Variants in SLCO1A2 observed in about 807,000 individuals in gnomAD.
SLCO1A2 encodes OATP-1.
A neutral mutation model predicts 69.0 loss-of-function variants in SLCO1A2; 67 were observed. That is an observed-to-expected ratio of 0.97 (90% CI 0.80 to 1.19). SLCO1A2 has a LOEUF of 1.19. Ranked by LOEUF, SLCO1A2 falls within the 50% of genes most tolerant of loss-of-function variation. The pLI is 0.00. For synonymous variants in SLCO1A2, 260 were observed against 265.9 expected (o/e 0.98, Z 0.22); for missense variants, 787 against 793.7 (o/e 0.99, Z 0.10).
intron 1 of SLCO1A2, among the ~76,000 whole-genome samples, chr12:21,401,635 T>C (rs1345333175): frequency 6.6e-6 from 1 of 151,964 alleles, no homozygotes; most frequent in East Asian, 1.9e-4. Context: ...TTAATCATTT[T>C]ATATTTTGTT....
At chr12:21,291,964 A>T (rs1196976473) in intron 12 of SLCO1A2, among the ~76,000 whole-genome samples, 200 bp downstream of exon 12, 1 of 152,150 alleles carries the variant, frequency 6.6e-6, no homozygotes, top group Non-Finnish European at 1.5e-5. Context: ...GAGGAATAGG[A>T]GTGAAATGCC....
intron 2 of SLCO1A2, among the ~76,000 whole-genome samples, chr12:21,370,862 A>T (rs1479016491): frequency 1.3e-5 from 2 of 152,194 alleles, no homozygotes; most frequent in Non-Finnish European, 2.9e-5. Context: ...TTTAACGCAG[A>T]ACAGGTGAGA....
upstream of SLCO1A2, among the ~76,000 whole-genome samples, chr12:21,395,615 A>G (rs1162368952): frequency 2.0e-5 from 3 of 152,214 alleles, no homozygotes; most frequent in East Asian, 1.9e-4. Context: ...GCAGACTTAA[A>G]TGTCCCTGTC....
chr12:21,355,495 CAAGG>C (rs1183300567), intron 2 of SLCO1A2, among the ~76,000 whole-genome samples: 7 of 152,116 alleles, frequency 4.6e-5, no homozygotes, highest in Non-Finnish European at 8.8e-5. Flanking sequence ...AATACTGATA[CAAGG>C]CCTAGGATCT....
intron 2 of SLCO1A2, among the ~76,000 whole-genome samples, chr12:21,361,339 A>G (rs980309665): frequency 2.0e-5 from 3 of 152,168 alleles, no homozygotes; most frequent in Non-Finnish European, 4.4e-5. Flanking sequence ...TGTTAGAAGG[A>G]AAACTAACAA....
upstream of SLCO1A2, among the ~76,000 whole-genome samples, chr12:21,395,721 C>T (rs1301598169): frequency 6.6e-6 from 1 of 152,136 alleles, no homozygotes; most frequent in Non-Finnish European, 1.5e-5. Flanking sequence ...GACCCCTGAC[C>T]CCCGAGCAGC....
At chr12:21,281,922 G>A (rs576327562) in intron 12 of SLCO1A2, among the ~76,000 whole-genome samples, 1 of 152,152 alleles carries the variant, frequency 6.6e-6, no homozygotes, top group South Asian at 2.1e-4. Context: ...AAAAAGTAAT[G>A]AGATTGAAGC....
Position 21,265,802 on chromosome 12 carries a change from G to A in SLCO1A2, c.*3746C>T, listed in dbSNP as rs548442233. Reference sequence around the variant, plus strand: ...TTGCCTCTTTTTCCTTTTCCCCTTGGTAATAAATTTGAGGGATCTAAGAAT... The same window carrying A: ...TTGCCTCTTTTTCCTTTTCCCCTTGATAATAAATTTGAGGGATCTAAGAAT... On this transcript the variant is annotated 3_prime_UTR_variant, in exon 15 of 15. Transcript: ENST00000683939. 6.6e-6 allele frequency: 1 copy of A among 152,022 alleles called. No individual in the cohort carries two copies. The highest frequency in any genetic ancestry group is 1.5e-5 in the Non-Finnish European group (1 of 68,028). 9.4% of individuals were successfully genotyped at this position (152,022 alleles called of 1,614,324 possible). A position where few individuals can be genotyped will look rare whatever the true frequency, so the allele number is the denominator to read the frequency against.
intron 2 of SLCO1A2, among the ~76,000 whole-genome samples, chr12:21,326,914 T>C (rs1952283696): frequency 6.6e-6 from 1 of 152,162 alleles, no homozygotes; most frequent in Non-Finnish European, 1.5e-5. Context: ...TGAGGAGAAA[T>C]TCAAGATGGC....
chr12:21,410,409 A>G (rs1404669277), intron 1 of SLCO1A2, among the ~76,000 whole-genome samples: 2 of 152,180 alleles, frequency 1.3e-5, no homozygotes, highest in Non-Finnish European at 1.5e-5. Flanking sequence ...CATTGCTATC[A>G]TTCATCCACA....
upstream of SLCO1A2, chr12:21,419,258 G>C (rs1942040739): frequency 6.3e-6 from 1 of 158,232 alleles, no homozygotes; most frequent in African/African-American, 2.4e-5. Context: ...ACAGCTCCCA[G>C]CGTGAGCGAC....
intron 2 of SLCO1A2, chr12:21,373,315 A>G: frequency 6.0e-6 from 8 of 1,343,536 alleles, no homozygotes; most frequent in Non-Finnish European, 8.6e-6. Flanking sequence ...TCTTGATTTC[A>G]GTGCTGGATT....
chr12:21,269,686 C>T lies in SLCO1A2; in HGVS notation c.1875G>A (p.Lys625=). The part of the protein sequence containing the change: ...PALIILILLR[K]CHLPGENASS... Reference sequence around the variant, plus strand: ...AGGCATTTTCACCAGGTAGATGACACTTCCTCAAAAGAATTAAGATGATTA... The same window carrying T: ...AGGCATTTTCACCAGGTAGATGACATTTCCTCAAAAGAATTAAGATGATTA... The change falls in exon 15 of 15, where the codon AAG becomes AAA. Residue 625 remains lysine, a synonymous_variant. Coordinates refer to ENST00000683939, the MANE Select transcript of SLCO1A2 (RefSeq NM_001386879.1). The T allele has an allele frequency of 3.1e-6, 5 of 1,612,706 alleles. No homozygotes were observed. The highest frequency in any genetic ancestry group is 4.2e-6 in the Non-Finnish European group (5 of 1,179,092).
rs143235054 is a variant in SLCO1A2, at chr12:21,288,147, A to G, written c.1610+4017T>C. ...ATGTCCTCACTTACTTGTGGGAGCT[A>G]AAAATGAGAACAGGCTGGGCACGAT... is the stretch of plus-strand genomic sequence containing the variant. On this transcript the variant is annotated intron_variant, in intron 12 of 14. Transcript: ENST00000683939. Among the ~76,000 whole-genome samples, 292 of 152,306 alleles carry G rather than the reference A, an allele frequency of 1.9e-3. 1 individual carries two copies. Among genetic ancestry groups the G allele is most frequent in the Non-Finnish European group, 3.3e-3 (227 of 68,020 alleles).
chr12:21,318,701 C>A, intron 3 of SLCO1A2, 81 bp downstream of exon 3: 2 of 1,262,704 alleles, frequency 1.6e-6, no homozygotes, highest in Non-Finnish European at 2.2e-6. Flanking sequence ...CCTAAAACAG[C>A]AAATAAGGAG....
intron 6 of SLCO1A2, among the ~76,000 whole-genome samples, chr12:21,303,807 T>C (rs1253828603): frequency 6.6e-6 from 1 of 152,134 alleles, no homozygotes; most frequent in African/African-American, 2.4e-5. Flanking sequence ...AGCCTGACTA[T>C]ATGGAGAGAT....
At chr12:21,301,933 C>T (rs773838844) in intron 6 of SLCO1A2, among the ~76,000 whole-genome samples, 5 of 152,236 alleles carry the variant, frequency 3.3e-5, no homozygotes, top group East Asian at 1.9e-4. Context: ...AATCCAGACA[C>T]GAGCTTCTTC....
chr12:21,386,695 G>A (rs757560605), intron 1 of SLCO1A2, among the ~76,000 whole-genome samples: 11 of 152,012 alleles, frequency 7.2e-5, no homozygotes, highest in Non-Finnish European at 1.2e-4. Flanking sequence ...TTTCTTCACA[G>A]CAGTATGAAA....
At chr12:21,335,782 T>A (rs1381373705), upstream of SLCO1A2, among the ~76,000 whole-genome samples, 1 of 152,146 alleles carries the variant, frequency 6.6e-6, no homozygotes, top group Non-Finnish European at 1.5e-5. Context: ...GTTTTGTTAT[T>A]TTAACACATT....
Sources: gnomAD v4.1 joint callset for allele counts (sites outside exome capture counted in the v4.1 genomes callset) on GRCh38, gnomAD v4.1.1 for gene constraint, MANE v1.5 for transcripts, NCBI Gene and HGNC (gene_info 2026-07-23, HGNC 2026-07-21) for gene names.